Variants in FREM2 observed in about 807,000 individuals in gnomAD.
FREM2 encodes FRAS1 related extracellular matrix 2.
In FREM2, 119 loss-of-function variants were observed where a neutral mutation model predicts 219.9. The observed-to-expected ratio is 0.54, with a 90% CI of 0.47 to 0.63. The LOEUF is 0.63. FREM2 is among the 30% of genes least tolerant of loss of function. FREM2 has a pLI of 0.00. For missense variants in FREM2, 4,030 were observed against 3,993.6 expected (o/e 1.01, Z -0.25); for synonymous variants, 1,562 against 1,522.8 (o/e 1.03, Z -0.60).
chr13:38,798,027 A>G (rs1345687861), intron 6 of FREM2, among the ~76,000 whole-genome samples: 1 of 152,098 alleles, frequency 6.6e-6, no homozygotes, highest in East Asian at 1.9e-4. Context: ...AGGAGTGGTG[A>G]AAGCAGGCAT....
rs78542669 is a variant in FREM2 at position 38,816,014 on chromosome 13, C to T, written c.6020-30559C>T. Among the ~76,000 whole-genome samples, 815 of 152,186 alleles carry T rather than the reference C, an allele frequency of 5.4e-3. 37 individuals carry two copies. In the East Asian group the frequency reaches 0.11, roughly 20 times the overall value. ...GGATAAATTCCTGGACACATACAAC[C>T]TGTCAAGATTGAACCATGAAGAAAT... is the stretch of plus-strand genomic sequence containing the variant. On this transcript the variant is annotated intron_variant, in intron 6 of 23. Coordinates refer to ENST00000280481, the MANE Select transcript of FREM2 (RefSeq NM_207361.6).
intron 6 of FREM2, among the ~76,000 whole-genome samples, chr13:38,797,600 T>A (rs1270896548): frequency 6.6e-6 from 1 of 152,156 alleles, no homozygotes; most frequent in African/African-American, 2.4e-5. Context: ...GTTTAGAGGC[T>A]TTTTAATTTA....
At chr13:38,834,025 T>G (rs1876612896) in intron 6 of FREM2, among the ~76,000 whole-genome samples, 1 of 152,188 alleles carries the variant, frequency 6.6e-6, no homozygotes, top group Non-Finnish European at 1.5e-5. Flanking sequence ...ATTACCCCTT[T>G]TTTTAAATTA....
At chr13:38,718,394 T>C (rs17058495) in intron 2 of FREM2, among the ~76,000 whole-genome samples, 5,104 of 152,228 alleles carry the variant, frequency 0.034, 319 homozygotes, top group African/African-American at 0.12. Context: ...ACAGGTGAAA[T>C]CGAGCTGCAT....
intron 2 of FREM2, among the ~76,000 whole-genome samples, chr13:38,703,659 C>G (rs921137243): frequency 6.6e-6 from 1 of 152,100 alleles, no homozygotes; most frequent in African/African-American, 2.4e-5. Context: ...AAAGTATAAA[C>G]TCAAGTTTTT....
chr13:38,766,064 C>T (rs191523375), intron 3 of FREM2, among the ~76,000 whole-genome samples: 9 of 152,224 alleles, frequency 5.9e-5, no homozygotes, highest in East Asian at 1.9e-4. Flanking sequence ...AGCACCTTAC[C>T]GATTATTAAA....
At chr13:38,698,721 A>G (rs950070985) in intron 2 of FREM2, among the ~76,000 whole-genome samples, 2 of 152,152 alleles carry the variant, frequency 1.3e-5, no homozygotes, top group Admixed American at 1.3e-4. Context: ...GCACACTATT[A>G]TGTCGTCTAT....
chr13:38,687,131 A>G lies in FREM2; in HGVS notation c.-214A>G, dbSNP rs1269867789. The G allele has an allele frequency of 1.6e-6, 1 of 618,674 alleles. No individual in the cohort carries two copies. The highest frequency in any genetic ancestry group is 2.0e-5 in the South Asian group (1 of 49,166). The allele number at this position is 618,674 out of a possible 1,614,324, so 38.3% of individuals were successfully genotyped here. On this transcript the variant is annotated 5_prime_UTR_variant, in exon 1 of 24. Transcript: ENST00000280481. Reference sequence around the variant, plus strand: ...ATTGAGGCGCTAGCGGCGGAGCTGGACGGCCTGGGAAGGCTTCGGCTCCTC... The same window carrying G: ...ATTGAGGCGCTAGCGGCGGAGCTGGGCGGCCTGGGAAGGCTTCGGCTCCTC...
At chr13:38,695,416 A>C (rs1373926001) in intron 1 of FREM2, among the ~76,000 whole-genome samples, 1 of 152,184 alleles carries the variant, frequency 6.6e-6, no homozygotes, top group Non-Finnish European at 1.5e-5. Flanking sequence ...AGTTGCATTT[A>C]TGTTTTCTTT....
chr13:38,741,603 T>C (rs1358358427), intron 2 of FREM2, among the ~76,000 whole-genome samples: 1 of 152,204 alleles, frequency 6.6e-6, no homozygotes, highest in Admixed American at 6.5e-5. Flanking sequence ...GTTTTAGCTT[T>C]TTTTGGACAC....
intron 16 of FREM2, among the ~76,000 whole-genome samples, chr13:38,868,892 A>G (rs1222510729): frequency 2.6e-5 from 4 of 152,240 alleles, no homozygotes; most frequent in Non-Finnish European, 5.9e-5. Context: ...GCAAACCATC[A>G]GCACAGACTC....
At chr13:38,834,027 TTTAAA>T (rs757949296) in intron 6 of FREM2, among the ~76,000 whole-genome samples, 3 of 152,182 alleles carry the variant, frequency 2.0e-5, no homozygotes, top group Non-Finnish European at 2.9e-5. Flanking sequence ...TACCCCTTTT[TTTAAA>T]TTATACTTTA....
At chr13:38,847,201 A>AG (rs1291136431) in intron 7 of FREM2, among the ~76,000 whole-genome samples, 2 of 148,900 alleles carry the variant, frequency 1.3e-5, no homozygotes, top group African/African-American at 5.0e-5. Flanking sequence ...CGTTATAAAA[A>AG]AGTACTAACT....
In FREM2 at chr13:38,690,850, A is replaced by T; in HGVS notation, c.3506A>T (p.Asp1169Val). The stretch of plus-strand genomic sequence containing the variant: ...GACCGATTTGTATTTCGTTGTTCTG[A>T]TGGCATTAACTTTTCAGAGAGACAG... ...VEDRFVFRCSDGINFSERQFF... is the reference protein window; with the variant it reads ...VEDRFVFRCSVGINFSERQFF... The change falls in exon 1 of 24, where the codon GAT becomes GTT. Residue 1169 changes from aspartate (D) to valine (V), a missense_variant. This residue lies in a region of FREM2 where 3,102 missense variants were observed against 2,950.7 expected (regional missense o/e 1.05). Transcript: ENST00000280481. 1 of 1,614,156 alleles carries T rather than the reference A, an allele frequency of 6.2e-7. No individual in the cohort carries two copies. The highest frequency in any genetic ancestry group is 2.2e-5 in the East Asian group (1 of 44,874).
Position 38,688,815 on chromosome 13 carries a change from C to T in FREM2, c.1471C>T (p.His491Tyr), listed in dbSNP as rs1478188467. 1 of 1,613,908 alleles carries T rather than the reference C, an allele frequency of 6.2e-7. No homozygotes were observed. Among genetic ancestry groups the T allele is most frequent in the Non-Finnish European group, 8.5e-7 (1 of 1,180,052 alleles). Residue 491 changes from histidine to tyrosine, a missense_variant, in exon 1 of 24, where the codon CAC (histidine) becomes TAC (tyrosine). By Grantham distance (83) the His-to-Tyr change is moderately conservative. Around this residue, in one of 2 missense-constraint regions of FREM2, gnomAD observed 3,102 missense variants for 2,950.7 expected, o/e 1.05. Transcript: ENST00000280481. ...LEVVAGLRHG[H>Y]LVILGASSGS... is the part of the protein sequence containing the mutation. Reference sequence around the variant, plus strand: ...GGTGGTGGCTGGGCTCCGGCATGGTCACCTTGTCATTCTGGGTGCTTCCAG... The same window carrying T: ...GGTGGTGGCTGGGCTCCGGCATGGTTACCTTGTCATTCTGGGTGCTTCCAG...
rs755684506 is a variant in FREM2, at chr13:38,841,982, G to GA, written c.6020-4588dup. On this transcript the variant is annotated intron_variant, in intron 6 of 23. Transcript: ENST00000280481. ...TGAGCAAGGGCTTTGTTTGGTAGGGGAAAGCAGGGTGCTCCCCACAGAAGT... is the reference window on the plus strand; with the variant it reads ...TGAGCAAGGGCTTTGTTTGGTAGGGGAAAAGCAGGGTGCTCCCCACAGAAGT... Among the ~76,000 whole-genome samples the GA allele has an allele frequency of 4.6e-5, 7 of 152,280 alleles. No individual in the cohort carries two copies. In the South Asian group the frequency reaches 1.0e-3, roughly 23 times the overall value.
At position 38,817,469 on chromosome 13, in the gene FREM2, C is replaced by T. The variant is rs547820295; in HGVS notation, c.6020-29104C>T. ...CCAAAAATACATGTTGGGGAAAAGA[C>T]AATCTTTTCAATAAATGGTATTGGG... On this transcript the variant is annotated intron_variant, in intron 6 of 23. Coordinates refer to ENST00000280481, the MANE Select transcript of FREM2 (RefSeq NM_207361.6). 7.2e-5 allele frequency among the ~76,000 whole-genome samples: 11 copies of T among 152,094 alleles called. No homozygotes were observed. In the East Asian group the frequency reaches 1.9e-3, roughly 27 times the overall value.
chr13:38,772,088 GC>G (rs1873687657), intron 4 of FREM2, among the ~76,000 whole-genome samples: 2 of 151,852 alleles, frequency 1.3e-5, no homozygotes, highest in Non-Finnish European at 2.9e-5. Context: ...AAATTCACCT[GC>G]CCTAGGAGCC....
At chr13:38,854,745 A>T (rs1877493051) in intron 11 of FREM2, among the ~76,000 whole-genome samples, 1 of 152,158 alleles carries the variant, frequency 6.6e-6, no homozygotes, top group African/African-American at 2.4e-5. Context: ...AACTAATTTT[A>T]AAAAGAAAAA....
Sources: gnomAD v4.1 joint callset for allele counts (sites outside exome capture counted in the v4.1 genomes callset) on GRCh38, gnomAD v4.1.1 for gene constraint, gnomAD v4.1.1 regional missense constraint, MANE v1.5 for transcripts, NCBI Gene and HGNC (gene_info 2026-07-23, HGNC 2026-07-21) for gene names.